The following TMEM132C variants were observed in gnomAD, a reference collection of about 807,000 sequenced individuals.
TMEM132C encodes the protein transmembrane protein 132C.
In TMEM132C, 29 loss-of-function variants were observed where a neutral mutation model predicts 61.4. That is an observed-to-expected ratio of 0.47 (90% CI 0.35 to 0.64). TMEM132C has a LOEUF of 0.64. Ranked by LOEUF, TMEM132C falls within the 30% of genes least tolerant of loss-of-function variation. The probability of loss-of-function intolerance (pLI) is 0.00; values close to 1 mark genes in which losing one functional copy is unlikely to be tolerated. For synonymous variants in TMEM132C, 656 were observed against 633.1 expected (o/e 1.04, Z -0.54); for missense variants, 1,408 against 1,476.9 (o/e 0.95, Z 0.76).
intron 2 of TMEM132C, among the ~76,000 whole-genome samples, chr12:128,520,608 T>C (rs567587524): frequency 6.6e-6 from 1 of 152,318 alleles, no homozygotes; most frequent in African/African-American, 2.4e-5. Flanking sequence ...GGGACTGTCC[T>C]GTGCATCATA....
intron 4 of TMEM132C, among the ~76,000 whole-genome samples, chr12:128,624,441 G>A (rs559032195): frequency 6.6e-6 from 1 of 151,734 alleles, no homozygotes; most frequent in Non-Finnish European, 1.5e-5. Flanking sequence ...CTACTTGGGA[G>A]GCTGAGGCAG....
chr12:128,340,710 T>G (rs1041219870), intron 1 of TMEM132C, among the ~76,000 whole-genome samples: 2 of 151,346 alleles, frequency 1.3e-5, no homozygotes, highest in African/African-American at 2.4e-5. Context: ...TCTCTTTCTT[T>G]CTCTTTCTTC....
intron 1 of TMEM132C, among the ~76,000 whole-genome samples, chr12:128,304,297 C>T (rs187762713): frequency 7.2e-5 from 11 of 152,036 alleles, no homozygotes; most frequent in South Asian, 2.1e-4. Flanking sequence ...TGTGTGTGTG[C>T]GTGTAAGTGC....
At chr12:128,639,168 A>G (rs376300318) in intron 4 of TMEM132C, among the ~76,000 whole-genome samples, 7,972 of 119,364 alleles carry the variant, frequency 0.067, 337 homozygotes, top group Non-Finnish European at 0.096. Context: ...GATGGTGGTG[A>G]TGGTGATGAT....
At chr12:128,378,331 T>C (rs1874278281) in intron 1 of TMEM132C, among the ~76,000 whole-genome samples, 1 of 152,096 alleles carries the variant, frequency 6.6e-6, no homozygotes, top group Admixed American at 6.6e-5. Flanking sequence ...TTAGCCAGGA[T>C]GGTCTCGATC....
In TMEM132C at chr12:128,705,366, G is replaced by C; in HGVS notation, c.2398G>C (p.Gly800Arg). ...VGVGNVRVKF[G>R]QNDADSSPGG... is the part of the protein sequence containing the mutation. ...CGTCGGCAACGTCAGGGTCAAGTTC[G>C]GACAGAACGATGCTGACTCCAGCCC... Residue 800 changes from glycine to arginine, a missense_variant, in exon 9 of 9, where the codon GGA becomes CGA. Gly to Arg is a moderately radical substitution (Grantham distance 125). Coordinates refer to ENST00000435159, the MANE Select transcript of TMEM132C (RefSeq NM_001136103.3). 1.3e-6 allele frequency: 2 copies of C among 1,551,418 alleles called. No homozygotes were observed. The highest frequency in any genetic ancestry group is 1.7e-6 in the Non-Finnish European group (2 of 1,146,988).
chr12:128,405,156 A>C (rs1312558454), intron 1 of TMEM132C, among the ~76,000 whole-genome samples: 2 of 152,166 alleles, frequency 1.3e-5, no homozygotes, highest in African/African-American at 4.8e-5. Context: ...AACTGGAGTA[A>C]GAGGAAAGAC....
chr12:128,342,916 A>G (rs1873025175), intron 1 of TMEM132C, among the ~76,000 whole-genome samples: 1 of 152,166 alleles, frequency 6.6e-6, no homozygotes, highest in African/African-American at 2.4e-5. Flanking sequence ...CACAGTGCAG[A>G]GGTTGCTGAT....
At chr12:128,323,714 G>A (rs1377758715) in intron 1 of TMEM132C, among the ~76,000 whole-genome samples, 1 of 152,200 alleles carries the variant, frequency 6.6e-6, no homozygotes, top group Non-Finnish European at 1.5e-5. Flanking sequence ...TGGAGAAAAT[G>A]TAATTCCCTT....
chr12:128,369,950 A>G (rs1377711053), intron 1 of TMEM132C, among the ~76,000 whole-genome samples: 1 of 152,206 alleles, frequency 6.6e-6, no homozygotes, highest in Non-Finnish European at 1.5e-5. Context: ...CATCCCAAAC[A>G]TTAGTATGGG....
chr12:128,701,904 T>C (rs36034464), intron 8 of TMEM132C, among the ~76,000 whole-genome samples: 40,949 of 141,496 alleles, frequency 0.29, 5,876 homozygotes, highest in East Asian at 0.42. Flanking sequence ...TTCTTCTTTT[T>C]TTTTTTTTTT....
Position 128,386,211 on chromosome 12 carries a change from C to T in TMEM132C, c.86-28521C>T, listed in dbSNP as rs1172577302. 2.6e-5 allele frequency among the ~76,000 whole-genome samples: 4 copies of T among 152,224 alleles called. No homozygotes were observed. In the East Asian group the frequency reaches 7.7e-4, roughly 29 times the overall value. On this transcript the variant is annotated intron_variant, in intron 1 of 8. Transcript: ENST00000435159. Reference sequence around the variant, plus strand: ...CCTTTTATTCATTTGCTCCTGCCCACGTACCCCTCTCAGAATGTTCATTTA... The same window carrying T: ...CCTTTTATTCATTTGCTCCTGCCCATGTACCCCTCTCAGAATGTTCATTTA...
intron 1 of TMEM132C, among the ~76,000 whole-genome samples, chr12:128,283,423 G>A (rs1870959039): frequency 6.6e-6 from 1 of 152,110 alleles, no homozygotes; most frequent in Admixed American, 6.5e-5. Flanking sequence ...GGGTGCTCTA[G>A]TTCCACTCAG....
chr12:128,393,774 A>G (rs1223185628), intron 1 of TMEM132C, among the ~76,000 whole-genome samples: 1 of 152,212 alleles, frequency 6.6e-6, no homozygotes, highest in Non-Finnish European at 1.5e-5. Flanking sequence ...CATCTCCAGC[A>G]TCAGATCAGC....
At chr12:128,325,907 T>C (rs144434837) in intron 1 of TMEM132C, among the ~76,000 whole-genome samples, 60 of 152,168 alleles carry the variant, frequency 3.9e-4, no homozygotes, top group African/African-American at 1.3e-3. Context: ...GAGTGCAGGT[T>C]CTGCGGTGGT....
chr12:128,645,923 G>A (rs1013007755), intron 4 of TMEM132C, among the ~76,000 whole-genome samples: 3 of 151,984 alleles, frequency 2.0e-5, no homozygotes, highest in African/African-American at 7.3e-5. Flanking sequence ...GTTTACTGGA[G>A]TCCATCAGTG....
chr12:128,342,566 C>T (rs1003109252), intron 1 of TMEM132C, among the ~76,000 whole-genome samples: 15 of 120,094 alleles, frequency 1.2e-4, no homozygotes, highest in African/African-American at 4.3e-4. Flanking sequence ...GATCTCAGGA[C>T]ATCATTTCCT....
At chr12:128,274,240 G>T (rs964438855) in intron 1 of TMEM132C, among the ~76,000 whole-genome samples, 5 of 152,274 alleles carry the variant, frequency 3.3e-5, no homozygotes, top group African/African-American at 1.2e-4. Context: ...AATGTGTTAG[G>T]AATGTTGAGT....
intron 3 of TMEM132C, among the ~76,000 whole-genome samples, chr12:128,584,414 C>T (rs942176520): frequency 3.9e-5 from 6 of 152,176 alleles, no homozygotes; most frequent in African/African-American, 7.2e-5. Context: ...TGAACCATAG[C>T]ACTTTGCACA....
Sources: gnomAD v4.1 joint callset for allele counts (sites outside exome capture counted in the v4.1 genomes callset) on GRCh38, gnomAD v4.1.1 for gene constraint, MANE v1.5 for transcripts, NCBI Gene and HGNC (gene_info 2026-07-23, HGNC 2026-07-21) for gene names.